Variants in CNBD1 observed in about 807,000 individuals in gnomAD.
CNBD1 encodes cyclic nucleotide binding domain containing 1.
CNBD1 carries 71 observed loss-of-function variants against 54.4 expected under a neutral mutation model. The ratio of observed to expected loss-of-function variants is 1.30; its 90% CI spans 1.08 to 1.59. CNBD1 has a LOEUF of 1.59. Among genes scored for constraint, CNBD1 ranks in the 40% most tolerant of loss-of-function variants. CNBD1 has a pLI of 0.00. For synonymous variants in CNBD1, 182 were observed against 170.7 expected, an observed-to-expected ratio of 1.07 and a Z score of -0.51; for missense variants, 659 against 518.0, an observed-to-expected ratio of 1.27 and a Z score of -2.64.
intron 6 of CNBD1, among the ~76,000 whole-genome samples, chr8:87,251,244 G>T (rs568317233): frequency 6.6e-6 from 1 of 152,026 alleles, no homozygotes; most frequent in Admixed American, 6.6e-5. Flanking sequence ...TCTTCCTAAC[G>T]TTCTGAATGT....
chr8:87,230,233 T>A (rs1372279440), intron 5 of CNBD1, among the ~76,000 whole-genome samples: 1 of 152,126 alleles, frequency 6.6e-6, no homozygotes, highest in East Asian at 1.9e-4. Context: ...TTCACACCCA[T>A]GATCCAATCA....
intron 4 of CNBD1, among the ~76,000 whole-genome samples, chr8:87,087,230 C>CACACATATATATATACGTATATATATAT (rs1811112246): frequency 7.1e-6 from 1 of 141,124 alleles, no homozygotes; most frequent in African/African-American, 2.7e-5. Context: ...TCTACACACA[C>CACACATATATATATACGTATATATATAT]ACACATATAT....
At chr8:87,355,041 T>G (rs1206308790) in intron 10 of CNBD1, among the ~76,000 whole-genome samples, 1 of 152,140 alleles carries the variant, frequency 6.6e-6, no homozygotes, top group Non-Finnish European at 1.5e-5. Context: ...CTGGAGAGGA[T>G]GTGGAGAAAT....
At chr8:87,078,612 G>T (rs1240957100) in intron 4 of CNBD1, among the ~76,000 whole-genome samples, 1 of 152,136 alleles carries the variant, frequency 6.6e-6, no homozygotes, top group Non-Finnish European at 1.5e-5. Flanking sequence ...CATTTACGAG[G>T]AGTTTGCTGC....
intron 4 of CNBD1, among the ~76,000 whole-genome samples, chr8:86,957,401 A>C (rs2130461017): frequency 6.6e-6 from 1 of 152,314 alleles, no homozygotes; most frequent in East Asian, 1.9e-4. Context: ...TTCAGAAGGA[A>C]TGGTACCAGC....
intron 4 of CNBD1, among the ~76,000 whole-genome samples, chr8:86,959,001 C>A (rs1269288540): frequency 6.6e-6 from 1 of 152,072 alleles, no homozygotes; most frequent in African/African-American, 2.4e-5. Flanking sequence ...TGTTCTTTTC[C>A]ATGTTTAGTT....
chr8:87,391,408 A>G (rs1374379664), intron 2 of CNBD1, among the ~76,000 whole-genome samples: 2 of 152,136 alleles, frequency 1.3e-5, no homozygotes, highest in Non-Finnish European at 2.9e-5. Context: ...AGTTGCCAGA[A>G]CAATCCTGAA....
chr8:87,016,988 T>C (rs1280481139), intron 4 of CNBD1, among the ~76,000 whole-genome samples: 1 of 152,090 alleles, frequency 6.6e-6, no homozygotes, highest in African/African-American at 2.4e-5. Context: ...AATGTGGGGG[T>C]TAAAGGGGCC....
chr8:87,154,751 C>A (rs1280732216), intron 4 of CNBD1, among the ~76,000 whole-genome samples: 1 of 152,094 alleles, frequency 6.6e-6, no homozygotes, highest in Non-Finnish European at 1.5e-5. Context: ...AGAACCTAGA[C>A]TGGGTGGTGG....
At chr8:86,998,442 A>G (rs1361177101) in intron 4 of CNBD1, among the ~76,000 whole-genome samples, 1 of 152,128 alleles carries the variant, frequency 6.6e-6, no homozygotes, top group Admixed American at 6.6e-5. Context: ...ACTGGCAGCA[A>G]ATAGATCTTG....
intron 5 of CNBD1, among the ~76,000 whole-genome samples, chr8:87,221,519 A>G (rs1814339108): frequency 6.6e-6 from 1 of 152,112 alleles, no homozygotes; most frequent in Non-Finnish European, 1.5e-5. Flanking sequence ...AATTGTATCT[A>G]CATTTCAAGA....
At chr8:87,057,907 CT>C (rs1363032052) in intron 4 of CNBD1, among the ~76,000 whole-genome samples, 3 of 152,010 alleles carry the variant, frequency 2.0e-5, no homozygotes, top group Admixed American at 6.6e-5. Context: ...AAAAGTACCC[CT>C]AATGTCTTAA....
chr8:87,338,393 AAATT>A (rs900365417), intron 8 of CNBD1, among the ~76,000 whole-genome samples: 3 of 152,142 alleles, frequency 2.0e-5, no homozygotes, highest in African/African-American at 4.8e-5. Flanking sequence ...ATTTGTTGAT[AAATT>A]AATTGTTTCC....
intron 10 of CNBD1, among the ~76,000 whole-genome samples, chr8:87,355,119 T>C (rs1273457890): frequency 1.3e-5 from 2 of 152,198 alleles, no homozygotes; most frequent in Non-Finnish European, 2.9e-5. Flanking sequence ...CAAATTGGGA[T>C]ACTCAAGTGA....
Position 87,375,256 on chromosome 8 carries a change from T to G in CNBD1, c.1304-7364T>G, listed in dbSNP as rs995851524. Among the ~76,000 whole-genome samples the G allele has an allele frequency of 2.6e-5, 4 of 151,864 alleles. No individual in the cohort carries two copies. In the Admixed American group the frequency reaches 2.6e-4, roughly 10 times the overall value. Reference sequence around the variant, plus strand: ...CAACACTGTTTTTAAAAACAGCTGATAGTTTAGTTACAAATTTCCAGGAAC... The same window carrying G: ...CAACACTGTTTTTAAAAACAGCTGAGAGTTTAGTTACAAATTTCCAGGAAC... On this transcript the variant is annotated intron_variant, in intron 10 of 10. Coordinates refer to ENST00000518476, the MANE Select transcript of CNBD1 (RefSeq NM_173538.3).
Position 87,223,226 on chromosome 8 carries a change from T to A in CNBD1, c.578-13693T>A, listed in dbSNP as rs574436515. ...GCTTTTTGGCTGAAGTTTTTTTTTTTAATTTTTATTTATTTATTTATTTAT... is the reference window on the plus strand; with the variant it reads ...GCTTTTTGGCTGAAGTTTTTTTTTTAAATTTTTATTTATTTATTTATTTAT... On this transcript the variant is annotated intron_variant, in intron 5 of 10. Coordinates refer to ENST00000518476, the MANE Select transcript of CNBD1 (RefSeq NM_173538.3). Among the ~76,000 whole-genome samples the A allele has an allele frequency of 3.5e-3, 519 of 149,932 alleles. 2 individuals carry two copies. Among genetic ancestry groups the A allele is most frequent in the African/African-American group, 0.012 (474 of 40,670 alleles).
chr8:86,999,027 T>C (rs185340322), intron 4 of CNBD1, among the ~76,000 whole-genome samples: 1 of 152,354 alleles, frequency 6.6e-6, no homozygotes, highest in African/African-American at 2.4e-5. Flanking sequence ...TCAATTGTAA[T>C]CACAAGAGCT....
In CNBD1 at chr8:87,073,019, AT is replaced by A. The variant is rs951429596; in HGVS notation, c.432-132965del. Among the ~76,000 whole-genome samples the A allele has an allele frequency of 3.0e-3, 455 of 149,432 alleles. 3 individuals are homozygous for A. Among genetic ancestry groups the A allele is most frequent in the African/African-American group, 0.01 (423 of 40,622 alleles). On this transcript the variant is annotated intron_variant, in intron 4 of 10. Transcript: ENST00000518476. ...TTTTGTTCTTTTCTTTCCATTCTGT[AT>A]TTTTTTTTCTATTCTTGTCTGTGTG...
intron 4 of CNBD1, among the ~76,000 whole-genome samples, chr8:87,112,250 A>G (rs1811678605): frequency 6.6e-6 from 1 of 152,138 alleles, no homozygotes. Context: ...ATCTCTAAGC[A>G]TCATTGCCAG....
Sources: gnomAD v4.1 joint callset for allele counts (sites outside exome capture counted in the v4.1 genomes callset) on GRCh38, gnomAD v4.1.1 for gene constraint, MANE v1.5 for transcripts, NCBI Gene and HGNC (gene_info 2026-07-23, HGNC 2026-07-21) for gene names.